ATP2A2: variants seen among roughly 807,000 people sequenced by gnomAD.
ATP2A2 encodes sarcoplasmic/endoplasmic reticulum calcium ATPase 2.
ATP2A2 carries 14 observed loss-of-function variants against 109.3 expected under a neutral mutation model. The observed-to-expected ratio is 0.13, with a 90% confidence interval of 0.08 to 0.20. The LOEUF (loss-of-function observed/expected upper bound fraction) is 0.20, where lower values mean the gene tolerates loss of function less well. Among genes scored for constraint, ATP2A2 ranks in the 10% least tolerant of loss-of-function variants. The probability of loss-of-function intolerance (pLI) is 1.00; values close to 1 mark genes in which losing one functional copy is unlikely to be tolerated. For missense variants in ATP2A2, 657 were observed against 1,321.6 expected (o/e 0.50, Z 7.80); for synonymous variants, 506 against 490.9 (o/e 1.03, Z -0.41).
chr12:110,319,215 T>TA (rs761487548), intron 5 of ATP2A2, among the ~76,000 whole-genome samples: 3,017 of 15,880 alleles, frequency 0.19, 58 homozygotes, highest in Middle Eastern at 0.36. Flanking sequence ...TCTGTAAGAA[T>TA]AAAAAATGAA....
At position 110,340,224 on chromosome 12, in the gene ATP2A2, A is replaced by AT. The variant is rs1013261311; in HGVS notation, c.1762-426dup. ...ATGGTTTGATAACGGGTGTAGTGGT[A>AT]TTTTTTTTTCTCATAAGAAAATGCA... On this transcript the variant is annotated intron_variant, in intron 13 of 19. Transcript: ENST00000539276. The surrounding 1 kb of genome is among the most constrained non-coding windows in gnomAD (Gnocchi z 6.0). Among the ~76,000 whole-genome samples, 15 of 151,408 alleles carry AT rather than the reference A, an allele frequency of 9.9e-5. No homozygotes were observed. The highest frequency in any genetic ancestry group is 3.9e-4 in the East Asian group (2 of 5,176).
At chr12:110,291,536 A>G (rs1474043361) in intron 3 of ATP2A2, among the ~76,000 whole-genome samples, 2 of 151,938 alleles carry the variant, frequency 1.3e-5, no homozygotes, top group African/African-American at 2.4e-5. Flanking sequence ...AAGAATTCTT[A>G]TGAACAAGAC....
chr12:110,315,519 G>A lies in ATP2A2; in HGVS notation c.464-7473G>A, dbSNP rs150557759. Among the ~76,000 whole-genome samples the A allele has an allele frequency of 6.9e-3, 1,046 of 152,310 alleles. 1 individual carries two copies. Among genetic ancestry groups the A allele is most frequent in the Non-Finnish European group, 9.5e-3 (643 of 68,036 alleles). On this transcript the variant is annotated intron_variant, in intron 5 of 19. Transcript: ENST00000539276. ...TTATCACCAGTTTAGATCTGAAGGG[G>A]AGCTTATGAAACCTTATTTTAGGGG...
intron 8 of ATP2A2, among the ~76,000 whole-genome samples, chr12:110,328,714 T>C (rs547949917): frequency 6.6e-6 from 1 of 152,292 alleles, no homozygotes; most frequent in Admixed American, 6.5e-5. Context: ...CACAAGTGCA[T>C]GCCACCATGC....
intron 5 of ATP2A2, among the ~76,000 whole-genome samples, chr12:110,321,856 A>G (rs1175080187): frequency 6.6e-6 from 1 of 152,234 alleles, no homozygotes; most frequent in African/African-American, 2.4e-5. Flanking sequence ...TTCACTTTGT[A>G]CACACATCAA....
chr12:110,336,478 T>C (rs928806273), intron 11 of ATP2A2, among the ~76,000 whole-genome samples: 3 of 151,934 alleles, frequency 2.0e-5, no homozygotes, highest in Non-Finnish European at 4.4e-5. Context: ...ACAGCCTGAG[T>C]TGGGAGGGAG....
chr12:110,282,813 T>C lies in ATP2A2; in HGVS notation c.219+18T>C, dbSNP rs1461605767. On this transcript the variant is annotated intron_variant, in intron 3 of 19. Coordinates refer to ENST00000539276, the MANE Select transcript of ATP2A2 (RefSeq NM_170665.4). ...TATCTTTTGTAAGTATAAAAAAATTTATTTTCTTTCCCCCCAAAAGCTGAA... is the reference window on the plus strand; with the variant it reads ...TATCTTTTGTAAGTATAAAAAAATTCATTTTCTTTCCCCCCAAAAGCTGAA... The C allele has an allele frequency of 6.3e-7, 1 of 1,594,172 alleles. No homozygotes were observed. The highest frequency in any genetic ancestry group is 1.7e-5 in the Admixed American group (1 of 59,660).
chr12:110,350,584 G>A lies in ATP2A2; in HGVS notation c.*4114G>A, dbSNP rs556787256. 6 of 522,036 alleles carry A rather than the reference G, an allele frequency of 1.1e-5. No individual in the cohort carries two copies. The East Asian group carries it at 1.7e-4, about 14-fold the overall frequency. The allele number at this position is 522,036 out of a possible 1,614,324, so 32.3% of individuals were successfully genotyped here. A position where few individuals can be genotyped will look rare whatever the true frequency, so the allele number is the denominator to read the frequency against. On this transcript the variant is annotated 3_prime_UTR_variant, in exon 20 of 20. Coordinates refer to ENST00000539276, the MANE Select transcript of ATP2A2 (RefSeq NM_170665.4). ...TTTGCTGCAAGAGGAATGAGGCTCT[G>A]TAACCTTATCTAAGAACTTGGAAGC... is the stretch of plus-strand genomic sequence containing the variant.
chr12:110,292,657 C>T (rs897170863), intron 4 of ATP2A2, among the ~76,000 whole-genome samples: 3 of 152,140 alleles, frequency 2.0e-5, no homozygotes, highest in Non-Finnish European at 2.9e-5. Context: ...TGTGGTGGCA[C>T]CAGCCTGTAG....
intron 1 of ATP2A2, 28 bp from the exon 2 acceptor site, chr12:110,282,576 T>C: frequency 6.2e-7 from 1 of 1,613,424 alleles, no homozygotes; most frequent in Non-Finnish European, 8.5e-7. Flanking sequence ...TCTTGACACA[T>C]TGCTTGACGA....
intron 11 of ATP2A2, among the ~76,000 whole-genome samples, chr12:110,335,070 C>T (rs1299944667): frequency 6.6e-6 from 1 of 152,120 alleles, no homozygotes; most frequent in African/African-American, 2.4e-5. Context: ...AGACAGGGCT[C>T]ATTCGACCAG....
In ATP2A2 at chr12:110,333,181, G is replaced by T. The variant is rs1174303886; in HGVS notation, c.1185G>T (p.Val395=). The change falls in exon 10 of 20, where the codon GTG becomes GTT. Residue 395 remains valine (V), a splice_region_variant and synonymous_variant. Coordinates refer to ENST00000539276, the MANE Select transcript of ATP2A2 (RefSeq NM_170665.4). ...TGSTYAPIGE[V]HKDDKPVNCH... ...CTAAGAGTGTTTTCTCTTTGGGCAG[G>T]CATAAAGATGATAAACCAGTGAATT... The T allele has an allele frequency of 1.2e-6, 2 of 1,612,562 alleles. No homozygotes were observed. The highest frequency in any genetic ancestry group is 2.2e-5 in the East Asian group (1 of 44,890).
intron 6 of ATP2A2, among the ~76,000 whole-genome samples, 161 bp downstream of exon 6, chr12:110,323,233 G>A (rs1444200997): frequency 6.6e-6 from 1 of 152,182 alleles, no homozygotes; most frequent in Admixed American, 6.5e-5. Context: ...TGCCCAGGCT[G>A]GAGTGCAGTG....
intron 6 of ATP2A2, among the ~76,000 whole-genome samples, chr12:110,324,469 T>C (rs1877564512): frequency 6.6e-6 from 1 of 152,144 alleles, no homozygotes. Context: ...TTGCCCAGGC[T>C]ATAGTGTAGT....
rs771241016 is a variant in ATP2A2 at position 110,333,977 on chromosome 12, C to CT, written c.1288-29dup. The CT allele has an allele frequency of 6.9e-5, 111 of 1,613,730 alleles. 3 individuals are homozygous for CT. The South Asian group carries it at 1.1e-3, about 16-fold the overall frequency. On this transcript the variant is annotated intron_variant, in intron 10 of 19. Coordinates refer to ENST00000539276, the MANE Select transcript of ATP2A2 (RefSeq NM_170665.4). The stretch of plus-strand genomic sequence containing the variant: ...GATAAATTTATCTGTGTACTTCTCC[C>CT]TTTTTTCTACTTTCTGTGCCTTTAA...
intron 5 of ATP2A2, among the ~76,000 whole-genome samples, chr12:110,318,546 T>G (rs1200882352): frequency 1.3e-5 from 2 of 152,176 alleles, no homozygotes; most frequent in Non-Finnish European, 2.9e-5. Flanking sequence ...CAACTTCGGC[T>G]CACTGCAACC....
Position 110,281,942 on chromosome 12 carries a change from G to A in ATP2A2, c.118+35G>A, listed in dbSNP as rs1216409746. ...GGGCGCTCCGCTGCAGGGGCCCGGC[G>A]CGGCCGGGAGAGCCAGGGAAGATGG... On this transcript the variant is annotated intron_variant, in intron 1 of 19. Coordinates refer to ENST00000539276, the MANE Select transcript of ATP2A2 (RefSeq NM_170665.4). 5.3e-6 allele frequency: 8 copies of A among 1,517,262 alleles called. 1 individual carries two copies. Among genetic ancestry groups the A allele is most frequent in the Admixed American group, 2.0e-5 (1 of 50,872 alleles). 94.0% of individuals were successfully genotyped at this position (1,517,262 alleles called of 1,614,324 possible).
At chr12:110,328,129 G>A in intron 8 of ATP2A2, 112 bp downstream of exon 8, 1 of 1,072,824 alleles carries the variant, frequency 9.3e-7, no homozygotes, top group Non-Finnish European at 1.4e-6. Context: ...TCTGTGGGCT[G>A]TATGTATAGC....
At chr12:110,338,670 ACTG>A (rs1477139943) in intron 11 of ATP2A2, among the ~76,000 whole-genome samples, 1 of 152,096 alleles carries the variant, frequency 6.6e-6, no homozygotes, top group Admixed American at 6.6e-5. Flanking sequence ...CTGGTCATGA[ACTG>A]CTGACCTCAG....
Sources: gnomAD v4.1 joint callset for allele counts (sites outside exome capture counted in the v4.1 genomes callset) on GRCh38, gnomAD v4.1.1 for gene constraint, Gnocchi (gnomAD v3.1) non-coding constraint, MANE v1.5 for transcripts, NCBI Gene and HGNC (gene_info 2026-07-23, HGNC 2026-07-21) for gene names.